The following RASAL2 variants were observed in gnomAD, a reference collection of about 807,000 sequenced individuals.
RASAL2 encodes ras GTPase-activating protein nGAP.
Under a neutral mutation model 128.9 loss-of-function variants are expected in RASAL2, and 58 were observed. The ratio of observed to expected loss-of-function variants is 0.45; its 90% CI spans 0.36 to 0.56. RASAL2 has a LOEUF of 0.56. Ranked by LOEUF, RASAL2 falls within the 20% of genes least tolerant of loss-of-function variation. The pLI is 0.00. For missense variants in RASAL2, 1,360 were observed against 1,601.6 expected (o/e 0.85, Z 2.57); for synonymous variants, 561 against 580.8 (o/e 0.97, Z 0.49).
intron 4 of RASAL2, among the ~76,000 whole-genome samples, chr1:178,404,547 A>T (rs1056248294): frequency 2.0e-5 from 3 of 151,774 alleles, no homozygotes; most frequent in Non-Finnish European, 4.4e-5. Flanking sequence ...CGCCCAGATA[A>T]TTTTTGTATT....
intron 2 of RASAL2, among the ~76,000 whole-genome samples, chr1:178,299,420 C>G (rs1667662707): frequency 6.6e-6 from 1 of 152,192 alleles, no homozygotes; most frequent in Non-Finnish European, 1.5e-5. Context: ...GCTCCAGGAG[C>G]AAGTACGCAC....
At chr1:178,420,434 C>A (rs755006020) in intron 4 of RASAL2, 77 bp from the exon 5 acceptor site, 3 of 880,680 alleles carry the variant, frequency 3.4e-6, no homozygotes, top group South Asian at 4.0e-5. Flanking sequence ...AGTCTAAATA[C>A]CTTTTGCAGA....
intron 4 of RASAL2, among the ~76,000 whole-genome samples, chr1:178,398,669 C>T (rs1202198353): frequency 3.3e-5 from 5 of 152,106 alleles, no homozygotes; most frequent in Non-Finnish European, 7.4e-5. Flanking sequence ...TCAGCTTCCC[C>T]CAAACTGTAT....
chr1:178,267,622 CTTT>C (rs1282624626), intron 1 of RASAL2, among the ~76,000 whole-genome samples: 4 of 120,500 alleles, frequency 3.3e-5, no homozygotes, highest in Non-Finnish European at 3.4e-5. Flanking sequence ...GATCTAGTGT[CTTT>C]TTTTTTTTTT....
chr1:178,189,553 A>T (rs1482771357), intron 1 of RASAL2, among the ~76,000 whole-genome samples: 5 of 152,328 alleles, frequency 3.3e-5, no homozygotes, highest in African/African-American at 1.2e-4. Flanking sequence ...TACATTGTAT[A>T]TTGGAGTGAT....
At chr1:178,349,900 G>A (rs549802310) in intron 3 of RASAL2, among the ~76,000 whole-genome samples, 23 of 152,212 alleles carry the variant, frequency 1.5e-4, no homozygotes, top group African/African-American at 5.1e-4. Context: ...AATGGAAGAC[G>A]CCTAATAAAT....
At chr1:178,356,603 A>AAGAAAAG (rs1670825599) in intron 3 of RASAL2, among the ~76,000 whole-genome samples, 1 of 152,206 alleles carries the variant, frequency 6.6e-6, no homozygotes, top group Admixed American at 6.5e-5. Context: ...TATACTATTT[A>AAGAAAAG]TATAAAATTC....
intron 1 of RASAL2, among the ~76,000 whole-genome samples, chr1:178,233,907 A>G (rs637593): frequency 1 from 152,206 of 152,356 alleles, 76,028 homozygotes; most frequent in Middle Eastern, 1. Context: ...AAGGGGAAAA[A>G]AGGGATGGCT....
intron 1 of RASAL2, among the ~76,000 whole-genome samples, chr1:178,140,985 C>T (rs1300311542): frequency 2.0e-5 from 3 of 152,158 alleles, no homozygotes; most frequent in Non-Finnish European, 2.9e-5. Flanking sequence ...GGGCAGCAGG[C>T]ACATCACATG....
intron 1 of RASAL2, among the ~76,000 whole-genome samples, chr1:178,205,711 C>T (rs112008972): frequency 0.014 from 2,176 of 152,004 alleles, 55 homozygotes; most frequent in African/African-American, 0.049. Context: ...GAGCTGAGAT[C>T]GCGCCACTGC....
At chr1:178,306,162 C>T (rs1667976612) in intron 3 of RASAL2, among the ~76,000 whole-genome samples, 1 of 152,062 alleles carries the variant, frequency 6.6e-6, no homozygotes, top group Non-Finnish European at 1.5e-5. Flanking sequence ...GTTTTTTGTT[C>T]TTGCGATAGT....
intron 1 of RASAL2, among the ~76,000 whole-genome samples, chr1:178,141,035 T>C (rs147922163): frequency 6.6e-6 from 1 of 152,168 alleles, no homozygotes; most frequent in East Asian, 1.9e-4. Flanking sequence ...AGGCACTACA[T>C]ACTTTTTAAA....
At chr1:178,334,747 C>T (rs970541417) in intron 3 of RASAL2, among the ~76,000 whole-genome samples, 4 of 152,150 alleles carry the variant, frequency 2.6e-5, no homozygotes, top group Non-Finnish European at 5.9e-5. Flanking sequence ...CCCATGAGGT[C>T]AAGAGATGAA....
In RASAL2 at chr1:178,255,438, C is replaced by T. The variant is rs149759577; in HGVS notation, c.203-28126C>T. ...TCATAGTATATTTGCTAATTACGCA[C>T]GAAAGACATGGGTGGGAATAAAGCT... On this transcript the variant is annotated intron_variant, in intron 1 of 17. Coordinates refer to ENST00000367649, the MANE Select transcript of RASAL2 (RefSeq NM_170692.4). Among the ~76,000 whole-genome samples the T allele has an allele frequency of 1.3e-3, 198 of 151,866 alleles. 2 individuals are homozygous for T. The East Asian group carries it at 0.022, about 17-fold the overall frequency.
chr1:178,368,061 A>G (rs995289424), intron 3 of RASAL2, among the ~76,000 whole-genome samples: 2 of 152,204 alleles, frequency 1.3e-5, no homozygotes, highest in African/African-American at 4.8e-5. Context: ...AAGTAGTTGC[A>G]GCAGATTATA....
intron 1 of RASAL2, among the ~76,000 whole-genome samples, chr1:178,184,704 C>G (rs1028155358): frequency 2.6e-5 from 4 of 152,014 alleles, no homozygotes; most frequent in African/African-American, 9.7e-5. Flanking sequence ...ATACTATGCT[C>G]TCTTGATTAC....
chr1:178,158,722 A>C (rs933055456), intron 1 of RASAL2, among the ~76,000 whole-genome samples: 1 of 152,168 alleles, frequency 6.6e-6, no homozygotes. Flanking sequence ...TTGATCTCTC[A>C]TGTTTTCTTC....
chr1:178,445,508 AT>A lies in RASAL2; in HGVS notation c.1483-8del. The A allele has an allele frequency of 1.2e-6, 2 of 1,612,106 alleles. No homozygotes were observed. Among genetic ancestry groups the A allele is most frequent in the Non-Finnish European group, 8.5e-7 (1 of 1,179,022 alleles). ...GTTGCTTTCTGCCTGATTGAACATTATTCTACCAGGATTTTCTGACTGACTT... is the reference window on the plus strand; with the variant it reads ...GTTGCTTTCTGCCTGATTGAACATTATCTACCAGGATTTTCTGACTGACTT... On this transcript the variant is annotated splice_polypyrimidine_tract_variant and intron_variant, in intron 8 of 17. Transcript: ENST00000367649.
At position 178,458,464 on chromosome 1, in the gene RASAL2, C is replaced by T. The variant is rs757961241; in HGVS notation, c.3172C>T (p.Arg1058Trp). 7.4e-6 allele frequency: 12 copies of T among 1,614,024 alleles called. No homozygotes were observed. Among genetic ancestry groups the T allele is most frequent in the South Asian group, 5.5e-5 (5 of 91,090 alleles). Residue 1058 changes from arginine to tryptophan, a missense_variant, in exon 14 of 18, where the codon CGG becomes TGG. Arg to Trp is a moderately radical substitution (Grantham distance 101, BLOSUM62 -3). Transcript: ENST00000367649. ...GGCCGAACCTGTGCAGAATGGGAGC[C>T]GGTCCCGGCAGCAGTCCTCTTCCTC... ...LVAEPVQNGS[R>W]SRQQSSSSRE...
Sources: allele counts gnomAD v4.1 joint callset (sites outside exome capture counted in the v4.1 genomes callset), GRCh38; gene constraint gnomAD v4.1.1; transcripts MANE v1.5; gene names NCBI Gene and HGNC (gene_info 2026-07-23, HGNC 2026-07-21).